Variants in INPP5D observed in about 807,000 individuals in gnomAD.
INPP5D encodes phosphatidylinositol 3,4,5-trisphosphate 5-phosphatase 1.
Under a neutral mutation model 122.9 loss-of-function variants are expected in INPP5D, and 33 were observed. The ratio of observed to expected loss-of-function variants is 0.27; its 90% CI spans 0.20 to 0.36. INPP5D has a LOEUF of 0.36. Among genes scored for constraint, INPP5D ranks in the 10% least tolerant of loss-of-function variants. The pLI, the probability that INPP5D is intolerant of heterozygous loss-of-function variation, is 1.00. For synonymous variants in INPP5D, 584 were observed against 576.2 expected, an observed-to-expected ratio of 1.01 and a Z score of -0.19; for missense variants, 1,053 against 1,412.7, an observed-to-expected ratio of 0.75 and a Z score of 4.08.
intron 2 of INPP5D, among the ~76,000 whole-genome samples, chr2:233,118,608 C>T (rs191456685): frequency 5.3e-5 from 8 of 152,376 alleles, no homozygotes; most frequent in East Asian, 1.9e-4. Flanking sequence ...GTTGGTGCCC[C>T]GCCTTTGCCA....
intron 2 of INPP5D, among the ~76,000 whole-genome samples, chr2:233,080,925 C>T (rs1003398120): frequency 2.0e-5 from 3 of 152,164 alleles, no homozygotes; most frequent in South Asian, 2.1e-4. Flanking sequence ...GCATTTGCTG[C>T]GAGGCCTCCT....
chr2:233,191,993 A>G (rs1695070685), intron 22 of INPP5D, among the ~76,000 whole-genome samples: 1 of 152,094 alleles, frequency 6.6e-6, no homozygotes, highest in Non-Finnish European at 1.5e-5. Context: ...GGGAGACCTG[A>G]AGGTCATGCA....
At chr2:233,190,461 C>G (rs1231971741) in intron 22 of INPP5D, among the ~76,000 whole-genome samples, 1 of 152,208 alleles carries the variant, frequency 6.6e-6, no homozygotes, top group Non-Finnish European at 1.5e-5. Flanking sequence ...CCTTCTGCCC[C>G]CAAGGAGCCA....
intron 5 of INPP5D, among the ~76,000 whole-genome samples, chr2:233,134,492 C>T (rs886757277): frequency 1.3e-5 from 2 of 152,116 alleles, no homozygotes; most frequent in African/African-American, 2.4e-5. Context: ...GGACATTGAG[C>T]ACTGAGGAGT....
intron 9 of INPP5D, among the ~76,000 whole-genome samples, 177 bp downstream of exon 9, chr2:233,147,771 G>T (rs1282085596): frequency 6.6e-6 from 1 of 152,188 alleles, no homozygotes; most frequent in African/African-American, 2.4e-5. Context: ...GACCCAGTGT[G>T]ATCCATGCTA....
Position 233,158,390 on chromosome 2 carries a change from C to T in INPP5D, c.1108C>T (p.Arg370Trp), listed in dbSNP as rs1445889093. 4.3e-6 allele frequency: 3 copies of T among 703,374 alleles called. No individual in the cohort carries two copies. Among genetic ancestry groups the T allele is most frequent in the Non-Finnish European group, 7.8e-6 (3 of 384,808 alleles). The allele number at this position is 703,374 out of a possible 1,614,324, so 43.6% of individuals were successfully genotyped here. A position where few individuals can be genotyped will look rare whatever the true frequency, so the allele number is the denominator to read the frequency against. Reference sequence around the variant, plus strand: ...GGAAACAGAGAAGGAGAAGATCCTGCGGAAGGAATATGTTTTTGCTGACTC... The same window carrying T: ...GGAAACAGAGAAGGAGAAGATCCTGTGGAAGGAATATGTTTTTGCTGACTC... ...LVETEKEKIL[R>W]KEYVFADSKK... The change falls in exon 10 of 27, where the codon CGG (arginine) becomes TGG (tryptophan). Residue 370 changes from arginine to tryptophan, a missense_variant. This residue lies in a region of INPP5D where 105 missense variants were observed against 199.8 expected (regional missense o/e 0.53). Coordinates refer to ENST00000445964, the MANE Select transcript of INPP5D (RefSeq NM_001017915.3).
chr2:233,072,386 T>C (rs1045663456), intron 1 of INPP5D, among the ~76,000 whole-genome samples: 5 of 152,218 alleles, frequency 3.3e-5, no homozygotes, highest in African/African-American at 4.8e-5. Context: ...GAACTATTCT[T>C]GATACAATAC....
chr2:233,076,897 T>C (rs533553008), intron 1 of INPP5D, among the ~76,000 whole-genome samples: 3 of 152,302 alleles, frequency 2.0e-5, no homozygotes, highest in African/African-American at 7.2e-5. Context: ...GACACATTCA[T>C]ATCCGGTTAG....
At chr2:233,125,222 G>A (rs909764616) in intron 3 of INPP5D, among the ~76,000 whole-genome samples, 9 of 152,232 alleles carry the variant, frequency 5.9e-5, no homozygotes. Flanking sequence ...CTGAGAGTCT[G>A]GGGGAGGAGA....
chr2:233,205,904 C>G (rs955276177), intron 26 of INPP5D, among the ~76,000 whole-genome samples: 10 of 152,080 alleles, frequency 6.6e-5, no homozygotes, highest in Non-Finnish European at 1.3e-4. Flanking sequence ...TATGGTGAAA[C>G]CCTGTCTCTA....
At chr2:233,184,738 A>G (rs983884743) in intron 20 of INPP5D, among the ~76,000 whole-genome samples, 1 of 152,204 alleles carries the variant, frequency 6.6e-6, no homozygotes, top group Non-Finnish European at 1.5e-5. Context: ...AGGGGTGGCC[A>G]TGAATGTACT....
intron 18 of INPP5D, among the ~76,000 whole-genome samples, chr2:233,181,133 T>C (rs1694773451): frequency 6.6e-6 from 1 of 152,206 alleles, no homozygotes; most frequent in South Asian, 2.1e-4. Flanking sequence ...CCCATCCTTC[T>C]CTCCTGTCCC....
chr2:233,081,263 C>T (rs1691681679), intron 2 of INPP5D, among the ~76,000 whole-genome samples: 1 of 152,140 alleles, frequency 6.6e-6, no homozygotes, highest in African/African-American at 2.4e-5. Flanking sequence ...AGGCAGTTGG[C>T]CTCAATGACC....
intron 17 of INPP5D, among the ~76,000 whole-genome samples, chr2:233,173,555 ATTTC>A (rs1406274366): frequency 2.6e-5 from 4 of 152,184 alleles, no homozygotes; most frequent in Admixed American, 2.0e-4. Context: ...GAAATATTTT[ATTTC>A]TTTATATTCT....
At chr2:233,090,454 C>G (rs376000203) in intron 2 of INPP5D, among the ~76,000 whole-genome samples, 28 of 152,288 alleles carry the variant, frequency 1.8e-4, no homozygotes, top group African/African-American at 6.0e-4. Flanking sequence ...ATCTCCCCCC[C>G]ATATTTATGC....
chr2:233,064,353 C>T (rs1488064526), intron 1 of INPP5D, among the ~76,000 whole-genome samples: 1 of 152,230 alleles, frequency 6.6e-6, no homozygotes, highest in African/African-American at 2.4e-5. Context: ...CCACATGTGG[C>T]CTTCCACAGG....
In INPP5D at chr2:233,177,579, T is replaced by C. The variant is rs1378264662; in HGVS notation, c.2071+233T>C. On this transcript the variant is annotated intron_variant, in intron 18 of 26. Coordinates refer to ENST00000445964, the MANE Select transcript of INPP5D (RefSeq NM_001017915.3). This position sits in a 1 kb window ranked among gnomAD's most constrained non-coding sequence, Gnocchi z 4.2. ...CATTTGAATTATAGAGCACTTTTTT[T>C]CTTTTTCTTTTTGAGACGGAGTCTC... Among the ~76,000 whole-genome samples the C allele has an allele frequency of 1.3e-5, 2 of 152,198 alleles. No homozygotes were observed. The highest frequency in any genetic ancestry group is 4.8e-5 in the African/African-American group (2 of 41,440).
rs1285247798 is a variant in INPP5D, at chr2:233,198,167, G to C, written c.2766G>C (p.Gly922=). ...ACTACATGGGAGTGGGGCCCTTTGG[G>C]CCACCAATGCCCCTGCACGTGAAGC... ...NPNYMGVGPF[G]PPMPLHVKQT... is the part of the protein sequence containing the mutation. Residue 922 remains glycine, a synonymous_variant, in exon 25 of 27, where the codon GGG becomes GGC. Coordinates refer to ENST00000445964, the MANE Select transcript of INPP5D (RefSeq NM_001017915.3). 5 of 1,613,306 alleles carry C rather than the reference G, an allele frequency of 3.1e-6. No individual in the cohort carries two copies. In the African/African-American group the frequency reaches 6.7e-5, roughly 22 times the overall value.
At position 233,128,967 on chromosome 2, in the gene INPP5D, G is replaced by T. The variant is rs936325996; in HGVS notation, c.525-1541G>T. 6.6e-6 allele frequency among the ~76,000 whole-genome samples: 1 copy of T among 152,088 alleles called. No individual in the cohort carries two copies. Among genetic ancestry groups the T allele is most frequent in the African/African-American group, 2.4e-5 (1 of 41,414 alleles). On this transcript the variant is annotated intron_variant, in intron 4 of 26. Transcript: ENST00000445964. This position sits in a 1 kb window ranked among gnomAD's most constrained non-coding sequence, Gnocchi z 4.5. ...AGCCTGAGGCAGTGGATCACCTGAG[G>T]TCAGCCTGGCCAACATGGTAAAACT... is the stretch of plus-strand genomic sequence containing the variant.
Sources: allele counts gnomAD v4.1 joint callset (sites outside exome capture counted in the v4.1 genomes callset), GRCh38; gene constraint gnomAD v4.1.1; regional missense constraint gnomAD v4.1.1; non-coding constraint Gnocchi (gnomAD v3.1); transcripts MANE v1.5; gene names NCBI Gene and HGNC (gene_info 2026-07-23, HGNC 2026-07-21).